Variants in NEDD4L observed in about 807,000 individuals in gnomAD.
NEDD4L encodes NEDD4 like E3 ubiquitin protein ligase.
NEDD4L carries 54 observed loss-of-function variants against 148.9 expected under a neutral mutation model. The observed-to-expected ratio is 0.36, with a 90% CI of 0.29 to 0.45. NEDD4L has a LOEUF of 0.45. NEDD4L is among the 20% of genes least tolerant of loss of function. The probability of loss-of-function intolerance (pLI) is 1.00; values close to 1 mark genes in which losing one functional copy is unlikely to be tolerated. For missense variants in NEDD4L, 856 were observed against 1,233.8 expected, an observed-to-expected ratio of 0.69 and a Z score of 4.59; for synonymous variants, 433 against 440.7, an observed-to-expected ratio of 0.98 and a Z score of 0.22.
At position 58,327,224 on chromosome 18, in the gene NEDD4L, A is replaced by C. The variant is rs577160543; in HGVS notation, c.681-1771A>C. Among the ~76,000 whole-genome samples the C allele has an allele frequency of 8.5e-5, 13 of 152,208 alleles. 1 individual carries two copies. In the South Asian group the frequency reaches 2.7e-3, roughly 32 times the overall value. On this transcript the variant is annotated intron_variant, in intron 9 of 30. Transcript: ENST00000400345. ...GCGATTCTCCTGCCTTGGCCTCCTGAGTAGCTGGGATTACAGGCGCCCGCC... is the reference window on the plus strand; with the variant it reads ...GCGATTCTCCTGCCTTGGCCTCCTGCGTAGCTGGGATTACAGGCGCCCGCC...
intron 17 of NEDD4L, among the ~76,000 whole-genome samples, chr18:58,350,309 G>A (rs1366269704): frequency 1.3e-5 from 2 of 152,134 alleles, no homozygotes; most frequent in Non-Finnish European, 2.9e-5. Context: ...CGAAGGTTAA[G>A]GTTCAATCAT....
At chr18:58,328,624 C>A (rs974530856) in intron 9 of NEDD4L, among the ~76,000 whole-genome samples, 1 of 152,218 alleles carries the variant, frequency 6.6e-6, no homozygotes, top group African/African-American at 2.4e-5. Flanking sequence ...GACTGCCCAG[C>A]TGCTGTGTGA....
rs190493452 is a variant in NEDD4L at position 58,194,966 on chromosome 18, C to G, written c.122+29105C>G. ...AAGGTGGCATAGGACAAGAAGCTTG[C>G]TGGATGTCACGAAGCTAGTGGAGAT... On this transcript the variant is annotated intron_variant, in intron 2 of 30. Coordinates refer to ENST00000400345, the MANE Select transcript of NEDD4L (RefSeq NM_001144967.3). Among the ~76,000 whole-genome samples, 25 of 152,312 alleles carry G rather than the reference C, an allele frequency of 1.6e-4. No homozygotes were observed. The East Asian group carries it at 2.1e-3, about 13-fold the overall frequency.
chr18:58,117,444 T>A (rs2085921208), intron 1 of NEDD4L, among the ~76,000 whole-genome samples: 1 of 152,248 alleles, frequency 6.6e-6, no homozygotes, highest in South Asian at 2.1e-4. Flanking sequence ...AGTCAGCCAT[T>A]TTTTATTCTT....
intron 8 of NEDD4L, among the ~76,000 whole-genome samples, chr18:58,323,978 CT>C (rs1430276231): frequency 5.9e-5 from 9 of 152,168 alleles, no homozygotes; most frequent in Admixed American, 5.2e-4. Flanking sequence ...CTCTCTAGGG[CT>C]TATTCTCACA....
chr18:58,260,267 C>T (rs2049185864), intron 5 of NEDD4L, among the ~76,000 whole-genome samples: 1 of 152,190 alleles, frequency 6.6e-6, no homozygotes, highest in South Asian at 2.1e-4. Flanking sequence ...AATCAACTTT[C>T]TTTCTTCTCT....
At chr18:58,255,809 G>A in intron 5 of NEDD4L, 1 of 1,232,504 alleles carries the variant, frequency 8.1e-7, no homozygotes, top group African/African-American at 1.5e-5. Context: ...GGACGGCGGC[G>A]GAGGCCTGCA....
intron 2 of NEDD4L, among the ~76,000 whole-genome samples, chr18:58,183,616 T>C (rs1288417837): frequency 6.6e-6 from 1 of 152,232 alleles, no homozygotes; most frequent in Non-Finnish European, 1.5e-5. Context: ...CCGAGTTGAT[T>C]GAGTATTCAC....
At position 58,335,509 on chromosome 18, in the gene NEDD4L, C is replaced by G. The variant is rs774749498; in HGVS notation, c.1097C>G (p.Ser366Ter). ...PSAPAGRARS[S>*]TVTGGEEPTP... is the part of the protein sequence containing the mutation. The stretch of plus-strand genomic sequence containing the variant: ...GCCCCAGCTGGGAGAGCGCGTTCAT[C>G]AACTGTCACGGGTGGTGAGGAACCA... Residue 366 changes from serine to a stop codon, truncating the protein, a stop_gained, in exon 13 of 31, where the codon TCA becomes TGA. Coordinates refer to ENST00000400345, the MANE Select transcript of NEDD4L (RefSeq NM_001144967.3). LOFTEE classifies it high-confidence loss of function. 6.2e-7 allele frequency: 1 copy of G among 1,613,658 alleles called. No individual in the cohort carries two copies. Among genetic ancestry groups the G allele is most frequent in the Non-Finnish European group, 8.5e-7 (1 of 1,179,614 alleles).
At chr18:58,381,409 A>G (rs2048314229) in intron 24 of NEDD4L, among the ~76,000 whole-genome samples, 1 of 152,158 alleles carries the variant, frequency 6.6e-6, no homozygotes, top group African/African-American at 2.4e-5. Context: ...CTCTCTGGAA[A>G]TTACAACTTT....
At position 58,153,202 on chromosome 18, in the gene NEDD4L, A is replaced by T. The variant is rs202156281; in HGVS notation, c.49-12586A>T. ...TCTCACTTGATGATAATTTTTTTTTAAAAAAATGACTCTTGGAAACAGAAC... is the reference window on the plus strand; with the variant it reads ...TCTCACTTGATGATAATTTTTTTTTTAAAAAATGACTCTTGGAAACAGAAC... On this transcript the variant is annotated intron_variant, in intron 1 of 30. Transcript: ENST00000400345. Among the ~76,000 whole-genome samples, 25 of 88,712 alleles carry T rather than the reference A, an allele frequency of 2.8e-4. No individual in the cohort carries two copies. In the South Asian group the frequency reaches 3.2e-3, roughly 11 times the overall value. The allele number at this position is 88,712 out of a possible 152,430, so 58.2% of individuals were successfully genotyped here.
At chr18:58,206,614 A>G (rs1162356520) in intron 2 of NEDD4L, among the ~76,000 whole-genome samples, 1 of 152,220 alleles carries the variant, frequency 6.6e-6, no homozygotes, top group Non-Finnish European at 1.5e-5. Context: ...TTTGCTGGAC[A>G]TGGTAACGTA....
At chr18:58,072,907 A>AC (rs2082956281) in intron 1 of NEDD4L, among the ~76,000 whole-genome samples, 1 of 122,160 alleles carries the variant, frequency 8.2e-6, no homozygotes, top group Non-Finnish European at 1.9e-5. Flanking sequence ...CACACACACA[A>AC]ATCTTGAACT....
chr18:58,241,520 G>A (rs1410141070), intron 2 of NEDD4L, among the ~76,000 whole-genome samples: 1 of 150,264 alleles, frequency 6.7e-6, no homozygotes, highest in Non-Finnish European at 1.5e-5. Flanking sequence ...GGATGGACCA[G>A]TGCATAGAAA....
intron 1 of NEDD4L, among the ~76,000 whole-genome samples, chr18:58,159,031 G>A (rs1474570989): frequency 2.6e-5 from 4 of 152,170 alleles, no homozygotes; most frequent in Non-Finnish European, 5.9e-5. Flanking sequence ...GATGGTCAAT[G>A]TGGAGAACTC....
At chr18:58,331,609 CTG>C (rs1180550634) in intron 11 of NEDD4L, among the ~76,000 whole-genome samples, 1 of 152,198 alleles carries the variant, frequency 6.6e-6, no homozygotes, top group East Asian at 1.9e-4. Flanking sequence ...CAATACAAAA[CTG>C]TGCAGAAATA....
chr18:58,117,500 A>G (rs556893176), intron 1 of NEDD4L, among the ~76,000 whole-genome samples: 6 of 152,294 alleles, frequency 3.9e-5, no homozygotes, highest in Admixed American at 1.3e-4. Flanking sequence ...TTATAAGCTA[A>G]TGAGACCAGA....
intron 19 of NEDD4L, among the ~76,000 whole-genome samples, chr18:58,359,106 A>G (rs911521495): frequency 1.3e-5 from 2 of 150,482 alleles, no homozygotes; most frequent in African/African-American, 4.9e-5. Context: ...TCTCATTGCT[A>G]TTTTGCTATT....
intron 1 of NEDD4L, among the ~76,000 whole-genome samples, chr18:58,148,239 C>T (rs2034317149): frequency 6.6e-6 from 1 of 151,576 alleles, no homozygotes; most frequent in African/African-American, 2.4e-5. Context: ...GATCTTGGCT[C>T]ACTGCAACCT....
Sources: allele counts gnomAD v4.1 joint callset (sites outside exome capture counted in the v4.1 genomes callset), GRCh38; gene constraint gnomAD v4.1.1; transcripts MANE v1.5; gene names NCBI Gene and HGNC (gene_info 2026-07-23, HGNC 2026-07-21).